The following BAALC variants were observed in gnomAD, a reference collection of about 807,000 sequenced individuals.
BAALC encodes the protein brain and acute leukemia cytoplasmic protein.
In BAALC, 9 loss-of-function variants were observed where a neutral mutation model predicts 15.5. The ratio of observed to expected loss-of-function variants is 0.58; its 90% CI spans 0.35 to 1.02. The LOEUF is 1.02. Ranked by LOEUF, BAALC falls within the 50% of genes least tolerant of loss-of-function variation. The pLI is 0.02. For synonymous variants in BAALC, 80 were observed against 74.6 expected, an observed-to-expected ratio of 1.07 and a Z score of -0.37; for missense variants, 201 against 192.4, an observed-to-expected ratio of 1.04 and a Z score of -0.27.
At chr8:103,165,582 C>T (rs1385981534) in intron 1 of BAALC, 1 of 152,194 alleles carries the variant, frequency 6.6e-6, no homozygotes, top group Non-Finnish European at 1.5e-5. Context: ...AAGAGTTTCA[C>T]AGCCTTGCCT....
chr8:103,203,796 GTAT>G (rs1812272365), intron 1 of BAALC, among the ~76,000 whole-genome samples: 1 of 151,976 alleles, frequency 6.6e-6, no homozygotes, highest in African/African-American at 2.4e-5. Context: ...ATATTCCATT[GTAT>G]ATACATAAAA....
At chr8:103,145,749 C>T (rs1810864979) in intron 1 of BAALC, among the ~76,000 whole-genome samples, 1 of 152,182 alleles carries the variant, frequency 6.6e-6, no homozygotes, top group Non-Finnish European at 1.5e-5. Flanking sequence ...GCTATGTACC[C>T]AGCACCTGGT....
At chr8:103,192,589 C>T (rs573592450) in intron 1 of BAALC, among the ~76,000 whole-genome samples, 2 of 152,336 alleles carry the variant, frequency 1.3e-5, no homozygotes, top group South Asian at 2.1e-4. Context: ...TCTGAAGTGG[C>T]ACAATTCCCA....
chr8:103,185,361 T>C (rs1811810724), intron 1 of BAALC, among the ~76,000 whole-genome samples: 1 of 152,158 alleles, frequency 6.6e-6, no homozygotes, highest in Admixed American at 6.5e-5. Context: ...CCTCCTACTT[T>C]TCTATTTTTT....
At chr8:103,201,605 C>T (rs1812219836) in intron 1 of BAALC, among the ~76,000 whole-genome samples, 1 of 152,196 alleles carries the variant, frequency 6.6e-6, no homozygotes, top group East Asian at 1.9e-4. Context: ...TTTCTTCTCC[C>T]TCCAATGAGA....
intron 1 of BAALC, among the ~76,000 whole-genome samples, chr8:103,187,055 C>T (rs1811854824): frequency 6.6e-6 from 1 of 152,156 alleles, no homozygotes; most frequent in Non-Finnish European, 1.5e-5. Flanking sequence ...TGTTCTGCTA[C>T]CATTGGGGGT....
chr8:103,214,508 C>T (rs1812516637), intron 2 of BAALC, among the ~76,000 whole-genome samples: 1 of 152,212 alleles, frequency 6.6e-6, no homozygotes, highest in African/African-American at 2.4e-5. Flanking sequence ...GGGCCAATGC[C>T]ACCTGTTTTC....
chr8:103,146,690 T>G (rs1031271676), intron 1 of BAALC, among the ~76,000 whole-genome samples: 1 of 152,208 alleles, frequency 6.6e-6, no homozygotes, highest in Non-Finnish European at 1.5e-5. Context: ...CTGCTCAACT[T>G]TTTGTTGTCT....
intron 1 of BAALC, among the ~76,000 whole-genome samples, chr8:103,197,097 C>A (rs1218922219): frequency 1.3e-5 from 2 of 152,178 alleles, no homozygotes; most frequent in African/African-American, 4.8e-5. Context: ...TTTAAAGCAA[C>A]AAACAAAAGG....
At chr8:103,201,430 T>C (rs1361596377) in intron 1 of BAALC, among the ~76,000 whole-genome samples, 1 of 151,506 alleles carries the variant, frequency 6.6e-6, no homozygotes, top group Non-Finnish European at 1.5e-5. Flanking sequence ...AAGAGACCAT[T>C]TGAGCCTGAG....
At chr8:103,174,125 G>A (rs1811555924) in intron 1 of BAALC, among the ~76,000 whole-genome samples, 1 of 152,154 alleles carries the variant, frequency 6.6e-6, no homozygotes, top group Admixed American at 6.5e-5. Context: ...AACCCCAGAA[G>A]CTGATAGCTG....
At chr8:103,203,125 GC>G (rs1812255272) in intron 1 of BAALC, among the ~76,000 whole-genome samples, 1 of 152,150 alleles carries the variant, frequency 6.6e-6, no homozygotes, top group Non-Finnish European at 1.5e-5. Flanking sequence ...GTGTCAGCAG[GC>G]TCCTGCCTCA....
At chr8:103,162,504 CT>C (rs530632790) in intron 1 of BAALC, among the ~76,000 whole-genome samples, 165 of 152,298 alleles carry the variant, frequency 1.1e-3, no homozygotes, top group Non-Finnish European at 1.4e-3. Flanking sequence ...CTAGTTTGGG[CT>C]TCCTCACAGC....
chr8:103,228,082 A>T lies in BAALC; in HGVS notation c.421A>T (p.Lys141Ter), dbSNP rs773089180. Reference sequence around the variant, plus strand: ...GATGGACAGAAGTCGAAGAATCACAAAGAACTGTGTCAACTAGCAGAGAGT... The same window carrying T: ...GATGGACAGAAGTCGAAGAATCACATAGAACTGTGTCAACTAGCAGAGAGT... Reference protein sequence around the residue: ...QQMDRSRRITKNCVN With the variant: ...QQMDRSRRIT The change falls in exon 3 of 3, where the codon AAG becomes TAG. Residue 141 changes from lysine to a stop codon, truncating the protein, a stop_gained. Transcript: ENST00000309982. LOFTEE classifies it high-confidence loss of function. 1 of 1,611,466 alleles carries T rather than the reference A, an allele frequency of 6.2e-7. No homozygotes were observed. Among genetic ancestry groups the T allele is most frequent in the Non-Finnish European group, 8.5e-7 (1 of 1,177,898 alleles).
At chr8:103,157,833 G>A (rs192073017) in intron 1 of BAALC, among the ~76,000 whole-genome samples, 2 of 152,052 alleles carry the variant, frequency 1.3e-5, no homozygotes, top group African/African-American at 4.8e-5. Flanking sequence ...AAAGTAAAAA[G>A]ATATTGGATT....
intron 1 of BAALC, among the ~76,000 whole-genome samples, chr8:103,189,789 C>T (rs776127530): frequency 6.6e-6 from 1 of 152,200 alleles, no homozygotes; most frequent in Non-Finnish European, 1.5e-5. Flanking sequence ...CAGGATGGAG[C>T]TCTTGCAAGC....
chr8:103,209,517 C>A (rs1812402699), intron 1 of BAALC, among the ~76,000 whole-genome samples: 2 of 152,150 alleles, frequency 1.3e-5, no homozygotes, highest in Admixed American at 1.3e-4. Flanking sequence ...CTACCTTGGT[C>A]TTGTGCTTCA....
At chr8:103,176,378 C>T (rs143865293) in intron 1 of BAALC, among the ~76,000 whole-genome samples, 165 of 151,982 alleles carry the variant, frequency 1.1e-3, no homozygotes, top group African/African-American at 3.7e-3. Flanking sequence ...AATTCTTGCC[C>T]TCATGCTTAA....
chr8:103,179,114 C>T (rs1811671821), intron 1 of BAALC, among the ~76,000 whole-genome samples: 4 of 152,176 alleles, frequency 2.6e-5, no homozygotes, highest in Admixed American at 2.6e-4. Context: ...ATGATCAGTT[C>T]TCAGAATTGT....
Sources: allele counts gnomAD v4.1 joint callset (sites outside exome capture counted in the v4.1 genomes callset), GRCh38; gene constraint gnomAD v4.1.1; transcripts MANE v1.5; gene names NCBI Gene and HGNC (gene_info 2026-07-23, HGNC 2026-07-21).